The following COL5A1 variants were observed in gnomAD, a reference collection of about 807,000 sequenced individuals.
The protein encoded by COL5A1 is collagen type V alpha 1 chain, also known as collagen alpha-1(V) chain.
COL5A1 carries 16 observed loss-of-function variants against 263.7 expected under a neutral mutation model. That is an observed-to-expected ratio of 0.06 (90% confidence interval 0.04 to 0.09). The LOEUF (loss-of-function observed/expected upper bound fraction) is 0.09. Ranked by LOEUF, COL5A1 falls within the 10% of genes least tolerant of loss-of-function variation. The pLI is 1.00. For synonymous variants in COL5A1, 1,012 were observed against 1,004.5 expected (o/e 1.01, Z -0.14); for missense variants, 2,036 against 2,540.5 (o/e 0.80, Z 4.27).
intron 22 of COL5A1, among the ~76,000 whole-genome samples, 170 bp downstream of exon 22, chr9:134,766,668 T>G (rs531209209): frequency 5.4e-4 from 83 of 152,316 alleles, no homozygotes; most frequent in African/African-American, 1.9e-3. Context: ...ACCTGGAGAC[T>G]TTAGCATGAT....
chr9:134,834,302 C>T (rs2132923222), intron 64 of COL5A1, among the ~76,000 whole-genome samples: 1 of 152,304 alleles, frequency 6.6e-6, no homozygotes, highest in South Asian at 2.1e-4. Context: ...TCATGCAAGC[C>T]ATATTTTTGA....
chr9:134,809,309 G>T lies in COL5A1; in HGVS notation c.3474+19G>T. The T allele has an allele frequency of 1.3e-6, 2 of 1,581,970 alleles. No homozygotes were observed. Among genetic ancestry groups the T allele is most frequent in the South Asian group, 2.3e-5 (2 of 88,342 alleles). ...AGATAAGGTAAGGCAAATCCAGAGT[G>T]ACCCATGGCTGGGCCTGGCTGGGCA... On this transcript the variant is annotated intron_variant, in intron 43 of 65. Transcript: ENST00000371817.
intron 34 of COL5A1, among the ~76,000 whole-genome samples, chr9:134,795,715 A>AG (rs1837883240): frequency 6.6e-6 from 1 of 152,244 alleles, no homozygotes; most frequent in Non-Finnish European, 1.5e-5. Flanking sequence ...GCTTTCTGGC[A>AG]GGGGAAGGCC....
Position 134,755,111 on chromosome 9 carries a change from G to A in COL5A1, c.1827+785G>A, listed in dbSNP as rs1473843981. ...TGTGGTTAGTGGGTAGAAATGACCC[G>A]ATAAGCCGCAGTTTGGCAGGTCCGA... On this transcript the variant is annotated intron_variant, in intron 16 of 65. Transcript: ENST00000371817. The surrounding 1 kb of genome is among the most constrained non-coding windows in gnomAD (Gnocchi z 4.1). Among the ~76,000 whole-genome samples the A allele has an allele frequency of 6.6e-6, 1 of 152,122 alleles. No individual in the cohort carries two copies. Among genetic ancestry groups the A allele is most frequent in the African/African-American group, 2.4e-5 (1 of 41,440 alleles).
At chr9:134,722,950 A>T (rs1193262885) in intron 4 of COL5A1, among the ~76,000 whole-genome samples, 1 of 152,066 alleles carries the variant, frequency 6.6e-6, no homozygotes. Flanking sequence ...GGCTGCGCTA[A>T]TCAGGGCCCC....
At position 134,728,813 on chromosome 9, in the gene COL5A1, G is replaced by A; in HGVS notation, c.924+6G>A. On this transcript the variant is annotated splice_donor_region_variant and intron_variant, in intron 6 of 65. Transcript: ENST00000371817. The stretch of plus-strand genomic sequence containing the variant: ...AAACCACAGAGGTCCCCGAGGTCTG[G>A]GCTGAGCGGGGGACTGGGTTGGGCT... 1 of 1,614,040 alleles carries A rather than the reference G, an allele frequency of 6.2e-7. No homozygotes were observed. The highest frequency in any genetic ancestry group is 8.5e-7 in the Non-Finnish European group (1 of 1,180,018).
Position 134,823,481 on chromosome 9 carries a change from T to C in COL5A1, c.4698+12T>C. 3 of 1,614,082 alleles carry C rather than the reference T, an allele frequency of 1.9e-6. No homozygotes were observed. The highest frequency in any genetic ancestry group is 2.5e-6 in the Non-Finnish European group (3 of 1,179,934). Reference sequence around the variant, plus strand: ...CCCCAGGCCCCCCGGTAAGTAGCCCTTGAAGCCCAGAAAGCGGGACGGGGG... The same window carrying C: ...CCCCAGGCCCCCCGGTAAGTAGCCCCTGAAGCCCAGAAAGCGGGACGGGGG... On this transcript the variant is annotated intron_variant, in intron 61 of 65. Transcript: ENST00000371817.
rs138459523 is a variant in COL5A1, at chr9:134,660,686, C to T, written c.109+18390C>T. Among the ~76,000 whole-genome samples the T allele has an allele frequency of 1.8e-3, 276 of 152,232 alleles. 2 individuals are homozygous for T. Among genetic ancestry groups the T allele is most frequent in the African/African-American group, 5.7e-3 (235 of 41,516 alleles). Reference sequence around the variant, plus strand: ...GGGTTGTACTAGAGTACTCATGGTGCGACCTCAAAACCATAACTTTCTTCT... The same window carrying T: ...GGGTTGTACTAGAGTACTCATGGTGTGACCTCAAAACCATAACTTTCTTCT... On this transcript the variant is annotated intron_variant, in intron 1 of 65. Coordinates refer to ENST00000371817, the MANE Select transcript of COL5A1 (RefSeq NM_000093.5).
Position 134,801,620 on chromosome 9 carries a change from C to T in COL5A1, c.2953-334C>T, listed in dbSNP as rs1013048444. Among the ~76,000 whole-genome samples, 5 of 152,130 alleles carry T rather than the reference C, an allele frequency of 3.3e-5. No homozygotes were observed. The East Asian group carries it at 9.7e-4, about 29-fold the overall frequency. The stretch of plus-strand genomic sequence containing the variant: ...TGACCAACATGGTGAAATCCTGTCT[C>T]TACTAAAAATACAAAAATTTGCCAG... On this transcript the variant is annotated intron_variant, in intron 37 of 65. Transcript: ENST00000371817.
At chr9:134,737,318 C>G (rs1303192071) in intron 9 of COL5A1, among the ~76,000 whole-genome samples, 1 of 152,238 alleles carries the variant, frequency 6.6e-6, no homozygotes, top group Non-Finnish European at 1.5e-5. Flanking sequence ...TGAGCCAGAG[C>G]TGCCCCTGGG....
At chr9:134,756,086 G>A (rs1185129200) in intron 16 of COL5A1, among the ~76,000 whole-genome samples, 2 of 152,140 alleles carry the variant, frequency 1.3e-5, no homozygotes, top group Non-Finnish European at 2.9e-5. Context: ...CCCTTGCAGG[G>A]CTCTCCTGTG....
intron 11 of COL5A1, among the ~76,000 whole-genome samples, chr9:134,744,297 A>ACACATGCACTCACATT (rs1835394030): frequency 6.6e-6 from 1 of 152,072 alleles, no homozygotes. Flanking sequence ...ACACTCACCC[A>ACACATGCACTCACATT]CACATGCACT....
rs1831743061 is a variant in COL5A1, at chr9:134,652,854, A to G, written c.109+10558A>G. On this transcript the variant is annotated intron_variant, in intron 1 of 65. Coordinates refer to ENST00000371817, the MANE Select transcript of COL5A1 (RefSeq NM_000093.5). The surrounding 1 kb of genome is among the most constrained non-coding windows in gnomAD (Gnocchi z 4.4). ...CCCCGAGGCCTCTCTTAAGGCACAG[A>G]TTGTTTCTGACTCAGGAGGCCTTGG... 5 of 388,224 alleles carry G rather than the reference A, an allele frequency of 1.3e-5. No individual in the cohort carries two copies. Among genetic ancestry groups the G allele is most frequent in the African/African-American group, 6.3e-5 (3 of 47,318 alleles). The allele number at this position is 388,224 out of a possible 1,614,324, so 24.0% of individuals were successfully genotyped here.
At chr9:134,781,342 A>G (rs2132762849) in intron 28 of COL5A1, among the ~76,000 whole-genome samples, 1 of 152,352 alleles carries the variant, frequency 6.6e-6, no homozygotes, top group East Asian at 1.9e-4. Context: ...CTAAGTCCTC[A>G]TCCGGGAAAG....
chr9:134,698,582 G>C (rs1833564833), intron 2 of COL5A1, among the ~76,000 whole-genome samples: 1 of 152,240 alleles, frequency 6.6e-6, no homozygotes, highest in Non-Finnish European at 1.5e-5. Flanking sequence ...AGGATGCTGT[G>C]GGACGAGGGG....
At chr9:134,796,542 G>A (rs1173032124) in intron 35 of COL5A1, 124 bp downstream of exon 35, 1 of 1,036,986 alleles carries the variant, frequency 9.6e-7, no homozygotes, top group Non-Finnish European at 1.5e-6. Flanking sequence ...GAAGGGTAGG[G>A]TTTTCCTAAG....
At chr9:134,801,828 A>G in intron 37 of COL5A1, 126 bp from the exon 38 acceptor site, 4 of 850,238 alleles carry the variant, frequency 4.7e-6, no homozygotes, top group Non-Finnish European at 7.9e-6. Flanking sequence ...GGCCTCTTAC[A>G]CAAAGTCTGG....
chr9:134,706,669 T>G (rs1182756789), intron 4 of COL5A1, among the ~76,000 whole-genome samples: 4 of 152,200 alleles, frequency 2.6e-5, no homozygotes, highest in Admixed American at 2.0e-4. Flanking sequence ...GTCCCCAGCC[T>G]GGAAGGGATC....
chr9:134,649,959 C>A (rs1831614161), intron 1 of COL5A1, among the ~76,000 whole-genome samples: 1 of 151,054 alleles, frequency 6.6e-6, no homozygotes, highest in Non-Finnish European at 1.5e-5. Flanking sequence ...ACCACATGTT[C>A]TCACTCATAA....
Sources: allele counts gnomAD v4.1 joint callset (sites outside exome capture counted in the v4.1 genomes callset), GRCh38; gene constraint gnomAD v4.1.1; non-coding constraint Gnocchi (gnomAD v3.1); transcripts MANE v1.5; gene names NCBI Gene and HGNC (gene_info 2026-07-23, HGNC 2026-07-21).